PLCB1: variants seen among roughly 807,000 people sequenced by gnomAD.
The protein encoded by PLCB1 is phospholipase C beta 1, also known as 1-phosphatidylinositol 4,5-bisphosphate phosphodiesterase beta-1.
PLCB1 carries 46 observed loss-of-function variants against 161.8 expected under a neutral mutation model. The observed-to-expected ratio is 0.28, with a 90% CI of 0.22 to 0.36. The LOEUF (loss-of-function observed/expected upper bound fraction) is 0.36. PLCB1 is among the 10% of genes least tolerant of loss of function. The pLI, the probability that PLCB1 is intolerant of heterozygous loss-of-function variation, is 1.00. For synonymous variants in PLCB1, 517 were observed against 503.7 expected (o/e 1.03, Z -0.35); for missense variants, 1,016 against 1,472.5 (o/e 0.69, Z 5.07).
intron 10 of PLCB1, among the ~76,000 whole-genome samples, chr20:8,688,372 G>A (rs1248575154): frequency 6.6e-6 from 1 of 152,026 alleles, no homozygotes; most frequent in Non-Finnish European, 1.5e-5. Context: ...TTGTTTTTAT[G>A]CAATTGCTTT....
At chr20:8,179,846 C>CT (rs35174594) in intron 2 of PLCB1, among the ~76,000 whole-genome samples, 1,498 of 71,404 alleles carry the variant, frequency 0.021, 368 homozygotes, top group East Asian at 0.032. Flanking sequence ...TTGTTGAGGG[C>CT]TTTTTTTTTT....
chr20:8,403,406 C>T (rs1978648403), intron 3 of PLCB1, among the ~76,000 whole-genome samples: 1 of 151,996 alleles, frequency 6.6e-6, no homozygotes, highest in South Asian at 2.1e-4. Flanking sequence ...CAAAAAACAA[C>T]AGGGAGTGTC....
intron 2 of PLCB1, among the ~76,000 whole-genome samples, chr20:8,311,334 G>T (rs1286049162): frequency 6.6e-6 from 1 of 152,212 alleles, no homozygotes; most frequent in African/African-American, 2.4e-5. Context: ...GCAGAATTTA[G>T]AAATCATGAA....
At chr20:8,386,504 G>C (rs577814415) in intron 3 of PLCB1, among the ~76,000 whole-genome samples, 1 of 152,302 alleles carries the variant, frequency 6.6e-6, no homozygotes, top group East Asian at 1.9e-4. Flanking sequence ...AAACAGATAT[G>C]CTGTTATCAG....
chr20:8,137,689 G>A (rs2051363041), intron 1 of PLCB1, among the ~76,000 whole-genome samples: 2 of 152,272 alleles, frequency 1.3e-5, no homozygotes, highest in African/African-American at 2.4e-5. Context: ...ACATTGCCAT[G>A]TCATCAGTAC....
At chr20:8,198,548 G>T (rs1190742614) in intron 2 of PLCB1, among the ~76,000 whole-genome samples, 1 of 152,102 alleles carries the variant, frequency 6.6e-6, no homozygotes, top group African/African-American at 2.4e-5. Context: ...CAGATGTATA[G>T]GATGAAGTAT....
intron 2 of PLCB1, among the ~76,000 whole-genome samples, chr20:8,213,481 G>A (rs1568592357): frequency 6.6e-6 from 1 of 152,126 alleles, no homozygotes; most frequent in Non-Finnish European, 1.5e-5. Context: ...CCTGCAGCAG[G>A]AGGTAGCAGA....
intron 2 of PLCB1, among the ~76,000 whole-genome samples, chr20:8,334,465 G>C (rs1985494038): frequency 6.6e-6 from 1 of 152,158 alleles, no homozygotes; most frequent in Admixed American, 6.5e-5. Context: ...CTTCATAAAT[G>C]TGACAAAAAT....
Position 8,802,781 on chromosome 20 carries a change from G to A in PLCB1, c.3423+12520G>A, listed in dbSNP as rs540479485. ...ATATCTCACTAATAGGGATGCTTGG[G>A]CCAGGAGCTCTTTGTCAGAGCAAAC... On this transcript the variant is annotated intron_variant, in intron 31 of 31. Transcript: ENST00000338037. Among the ~76,000 whole-genome samples the A allele has an allele frequency of 9.2e-5, 14 of 152,260 alleles. No individual in the cohort carries two copies. The South Asian group carries it at 1.9e-3, about 20-fold the overall frequency.
chr20:8,564,143 A>G (rs937030564), intron 3 of PLCB1, among the ~76,000 whole-genome samples: 3 of 152,206 alleles, frequency 2.0e-5, no homozygotes, highest in African/African-American at 7.2e-5. Flanking sequence ...GTACCAAAAC[A>G]GATATATAGA....
chr20:8,858,847 C>T lies in PLCB1; in HGVS notation c.3424-22775C>T, dbSNP rs983571044. Among the ~76,000 whole-genome samples the T allele has an allele frequency of 1.5e-4, 23 of 149,594 alleles. No homozygotes were observed. In the South Asian group the frequency reaches 2.9e-3, roughly 19 times the overall value. On this transcript the variant is annotated intron_variant, in intron 31 of 31. Transcript: ENST00000338037. ...AAAGGGGTTCAGTAGACAAAGAAGG[C>T]CATTCCCTTTTTCCCAACTCTTGTT...
chr20:8,580,163 G>C (rs1239939981), intron 3 of PLCB1, among the ~76,000 whole-genome samples: 3 of 152,170 alleles, frequency 2.0e-5, no homozygotes, highest in Non-Finnish European at 4.4e-5. Flanking sequence ...CCCTCAGTGG[G>C]GCAGTGCTTC....
At chr20:8,386,379 TC>T in intron 3 of PLCB1, among the ~76,000 whole-genome samples, 1 of 152,202 alleles carries the variant, frequency 6.6e-6, no homozygotes, top group East Asian at 1.9e-4. Context: ...TATATCACCA[TC>T]AGAGCTCTTT....
intron 3 of PLCB1, among the ~76,000 whole-genome samples, chr20:8,391,777 A>ATATATATATATATATATATATATATG (rs1987594830): frequency 2.0e-5 from 1 of 50,904 alleles, no homozygotes; most frequent in African/African-American, 5.8e-5. Flanking sequence ...ATATATATAT[A>ATATATATATATATATATATATATATG]TGTGTGTGTA....
chr20:8,780,938 A>G (rs1983188155), intron 27 of PLCB1, among the ~76,000 whole-genome samples: 1 of 152,244 alleles, frequency 6.6e-6, no homozygotes, highest in Non-Finnish European at 1.5e-5. Context: ...TTTTCTGTAC[A>G]ATACCTGAAT....
At chr20:8,136,925 C>T (rs571376727) in intron 1 of PLCB1, among the ~76,000 whole-genome samples, 1 of 152,180 alleles carries the variant, frequency 6.6e-6, no homozygotes, top group African/African-American at 2.4e-5. Flanking sequence ...TACTTAAATT[C>T]CATATAAAAT....
chr20:8,228,167 A>G (rs1178890303), intron 2 of PLCB1, among the ~76,000 whole-genome samples: 2 of 152,110 alleles, frequency 1.3e-5, no homozygotes, highest in Non-Finnish European at 1.5e-5. Flanking sequence ...CTCAAAATAA[A>G]TAAATAAATA....
At chr20:8,440,342 T>C (rs1980503469) in intron 3 of PLCB1, among the ~76,000 whole-genome samples, 1 of 152,222 alleles carries the variant, frequency 6.6e-6, no homozygotes, top group Admixed American at 6.5e-5. Context: ...AATAAGGATG[T>C]ATTTATTTTA....
chr20:8,229,818 T>C (rs1979907447), intron 2 of PLCB1, among the ~76,000 whole-genome samples: 1 of 149,716 alleles, frequency 6.7e-6, no homozygotes. Flanking sequence ...AGCCCAGGAG[T>C]TTGAGACCAG....
Sources: gnomAD v4.1 joint callset for allele counts (sites outside exome capture counted in the v4.1 genomes callset) on GRCh38, gnomAD v4.1.1 for gene constraint, MANE v1.5 for transcripts, NCBI Gene and HGNC (gene_info 2026-07-23, HGNC 2026-07-21) for gene names.